DNAJC11: variants seen among roughly 807,000 people sequenced by gnomAD.
The protein encoded by DNAJC11 is dnaJ homolog subfamily C member 11.
In DNAJC11, 15 loss-of-function variants were observed where a neutral mutation model predicts 78.6. That is an observed-to-expected ratio of 0.19 (90% confidence interval 0.13 to 0.29). DNAJC11 has a LOEUF of 0.29. DNAJC11 is among the 10% of genes least tolerant of loss of function. The pLI is 1.00. For synonymous variants in DNAJC11, 292 were observed against 272.1 expected, an observed-to-expected ratio of 1.07 and a Z score of -0.72; for missense variants, 547 against 709.6, an observed-to-expected ratio of 0.77 and a Z score of 2.60.
intron 4 of DNAJC11, among the ~76,000 whole-genome samples, chr1:6,666,077 GGA>G (rs1296392529): frequency 6.6e-6 from 1 of 152,214 alleles, no homozygotes; most frequent in Non-Finnish European, 1.5e-5. Context: ...CTGTTGAGGG[GGA>G]GAGTGAGTAG....
intron 4 of DNAJC11, among the ~76,000 whole-genome samples, chr1:6,659,960 G>T (rs1442922232): frequency 6.6e-6 from 1 of 151,242 alleles, no homozygotes; most frequent in African/African-American, 2.4e-5. Flanking sequence ...GGAGGCTGAG[G>T]CAGGAGAATG....
rs1422794683 is a variant in DNAJC11 at position 6,644,668 on chromosome 1, G to A, written c.987C>T (p.Gly329=). ...QTRVKGSLKA[G]FFGTVVEYGA... ...CGTACTCCACCACCGTCCCAAAGAA[G>A]CCTGCTCTGCAGGGAGAGAACGCGG... The change falls in exon 10 of 16, where the codon GGC becomes GGT. Residue 329 remains glycine, a synonymous_variant. Transcript: ENST00000377577. The A allele has an allele frequency of 6.2e-7, 1 of 1,613,888 alleles. No individual in the cohort carries two copies. Among genetic ancestry groups the A allele is most frequent in the East Asian group, 2.2e-5 (1 of 44,902 alleles).
chr1:6,686,465 C>T (rs142725689), intron 1 of DNAJC11, among the ~76,000 whole-genome samples: 14 of 152,324 alleles, frequency 9.2e-5, no homozygotes, highest in African/African-American at 3.4e-4. Flanking sequence ...CCAGCTAGTA[C>T]AGTTTGGCAA....
intron 3 of DNAJC11, among the ~76,000 whole-genome samples, chr1:6,676,931 T>C (rs1642472528): frequency 6.6e-6 from 1 of 152,056 alleles, no homozygotes; most frequent in East Asian, 1.9e-4. Context: ...CCCAGCACTT[T>C]GGGAGGCCGA....
rs1641751601 is a variant in DNAJC11, at chr1:6,635,683, CTG to C, written c.1670_1671del (p.Thr557ArgfsTer11). ...RIPKQSHRID[T>X]DG ...ATCTGGTTCTTGGCAGTTTATCCAT[CTG>C]TATCGATCCTGTGGGCTGTAAAGGA... On this transcript the variant is annotated frameshift_variant, in exon 16 of 16. Coordinates refer to ENST00000377577, the MANE Select transcript of DNAJC11 (RefSeq NM_018198.4). LOFTEE classifies it high-confidence loss of function. 2 of 1,614,168 alleles carry C rather than the reference CTG, an allele frequency of 1.2e-6. No individual in the cohort carries two copies. Among genetic ancestry groups the C allele is most frequent in the Non-Finnish European group, 1.7e-6 (2 of 1,180,010 alleles).
chr1:6,650,003 C>G (rs1256556822), intron 7 of DNAJC11, among the ~76,000 whole-genome samples: 1 of 151,892 alleles, frequency 6.6e-6, no homozygotes, highest in African/African-American at 2.4e-5. Flanking sequence ...TGCCACTGTG[C>G]CTGGGCACAG....
chr1:6,688,957 C>G lies in DNAJC11; in HGVS notation c.73-7920G>C, dbSNP rs189455184. Reference sequence around the variant, plus strand: ...TAATGGTGACTCAGACAGCCACGGCCCCTGACCACACGGTGCTTCCTCTGC... The same window carrying G: ...TAATGGTGACTCAGACAGCCACGGCGCCTGACCACACGGTGCTTCCTCTGC... On this transcript the variant is annotated intron_variant, in intron 1 of 15. Coordinates refer to ENST00000377577, the MANE Select transcript of DNAJC11 (RefSeq NM_018198.4). Among the ~76,000 whole-genome samples, 43 of 152,268 alleles carry G rather than the reference C, an allele frequency of 2.8e-4. 1 individual carries two copies. Among genetic ancestry groups the G allele is most frequent in the African/African-American group, 1.0e-3 (43 of 41,552 alleles).
chr1:6,694,409 G>C (rs1642799301), intron 1 of DNAJC11, among the ~76,000 whole-genome samples: 1 of 152,074 alleles, frequency 6.6e-6, no homozygotes, highest in South Asian at 2.1e-4. Flanking sequence ...TACCCAGATA[G>C]CAGGGGGACC....
intron 10 of DNAJC11, among the ~76,000 whole-genome samples, chr1:6,640,917 AG>A (rs1211663681): frequency 2.0e-5 from 3 of 152,208 alleles, no homozygotes; most frequent in Non-Finnish European, 4.4e-5. Context: ...AGATGCAAGA[AG>A]TTTAGGAAAC....
chr1:6,701,673 C>A, intron 1 of DNAJC11, 56 bp downstream of exon 1: 1 of 1,475,060 alleles, frequency 6.8e-7, no homozygotes, highest in Non-Finnish European at 9.0e-7. Context: ...CAGCCCGGCC[C>A]TCCCGAACGA....
chr1:6,684,575 T>C (rs1321735762), intron 1 of DNAJC11, among the ~76,000 whole-genome samples: 1 of 152,232 alleles, frequency 6.6e-6, no homozygotes. Context: ...AATGGCTTAA[T>C]ATGCTATTAA....
chr1:6,636,854 G>C (rs1032157662), intron 14 of DNAJC11, among the ~76,000 whole-genome samples: 3 of 152,118 alleles, frequency 2.0e-5, no homozygotes, highest in Non-Finnish European at 2.9e-5. Flanking sequence ...ACCACTGTTT[G>C]TTTGTTTGTT....
intron 14 of DNAJC11, among the ~76,000 whole-genome samples, chr1:6,636,733 G>A (rs1050373313): frequency 6.6e-5 from 10 of 152,216 alleles, no homozygotes; most frequent in African/African-American, 2.4e-4. Flanking sequence ...TAGCTCCAAC[G>A]TGGGTACTAC....
At chr1:6,651,846 C>T (rs531135230) in intron 6 of DNAJC11, among the ~76,000 whole-genome samples, 2 of 152,318 alleles carry the variant, frequency 1.3e-5, no homozygotes, top group African/African-American at 4.8e-5. Flanking sequence ...GGTGTCCCTC[C>T]AAAGAAAAAA....
intron 7 of DNAJC11, among the ~76,000 whole-genome samples, chr1:6,649,492 A>C (rs1002008284): frequency 1.3e-5 from 2 of 152,074 alleles, no homozygotes; most frequent in Non-Finnish European, 2.9e-5. Context: ...TTGGTGCCTA[A>C]GCGGCCTCCG....
chr1:6,684,247 ATTGT>A (rs1642600162), intron 1 of DNAJC11, among the ~76,000 whole-genome samples: 1 of 152,044 alleles, frequency 6.6e-6, no homozygotes, highest in Non-Finnish European at 1.5e-5. Flanking sequence ...TGCCCAGCTA[ATTGT>A]TTGAATTTTT....
chr1:6,662,128 G>GTTT lies in DNAJC11; in HGVS notation c.378+5578_378+5580dup, dbSNP rs1222028818. The stretch of plus-strand genomic sequence containing the variant: ...CACCATGCCCAGTTAATTGTTTTTT[G>GTTT]TTTTTTGTTTTTTTTTTTTGTAGAG... On this transcript the variant is annotated intron_variant, in intron 4 of 15. Transcript: ENST00000377577. Among the ~76,000 whole-genome samples, 305 of 137,856 alleles carry GTTT rather than the reference G, an allele frequency of 2.2e-3. 8 individuals are homozygous for GTTT. Among genetic ancestry groups the GTTT allele is most frequent in the African/African-American group, 5.3e-3 (195 of 36,494 alleles). 90.4% of individuals were successfully genotyped at this position (137,856 alleles called of 152,430 possible).
chr1:6,672,265 C>T (rs1348880264), intron 3 of DNAJC11, among the ~76,000 whole-genome samples: 2 of 152,128 alleles, frequency 1.3e-5, no homozygotes, highest in African/African-American at 4.8e-5. Context: ...TATGCCCATA[C>T]ACTACTATTT....
chr1:6,659,477 A>T (rs1642175376), intron 4 of DNAJC11, among the ~76,000 whole-genome samples: 1 of 152,154 alleles, frequency 6.6e-6, no homozygotes, highest in Admixed American at 6.6e-5. Flanking sequence ...TTAAAACTGC[A>T]GGCTGGGCAT....
Sources: allele counts gnomAD v4.1 joint callset (sites outside exome capture counted in the v4.1 genomes callset), GRCh38; gene constraint gnomAD v4.1.1; transcripts MANE v1.5; gene names NCBI Gene and HGNC (gene_info 2026-07-23, HGNC 2026-07-21).